Variants in NRG1 observed in about 807,000 individuals in gnomAD.
NRG1 encodes the protein neuregulin 1, also known as pro-neuregulin-1, membrane-bound isoform.
NRG1 carries 18 observed loss-of-function variants against 63.8 expected under a neutral mutation model. The observed-to-expected ratio is 0.28, with a 90% confidence interval of 0.19 to 0.42. The LOEUF (loss-of-function observed/expected upper bound fraction) is 0.42, where lower values mean the gene tolerates loss of function less well. NRG1 is among the 10% of genes least tolerant of loss of function. The pLI is 1.00. For synonymous variants in NRG1, 302 were observed against 301.3 expected, an observed-to-expected ratio of 1.00 and a Z score of -0.02; for missense variants, 762 against 814.7, an observed-to-expected ratio of 0.94 and a Z score of 0.79.
intron 1 of NRG1, among the ~76,000 whole-genome samples, chr8:32,299,636 A>G (rs1487030112): frequency 1.3e-5 from 2 of 152,174 alleles, no homozygotes; most frequent in Non-Finnish European, 2.9e-5. Context: ...AAAGAGATTT[A>G]ATGGACTCAC....
intron 1 of NRG1, among the ~76,000 whole-genome samples, chr8:31,942,337 T>C (rs547495466): frequency 3.0e-4 from 45 of 152,194 alleles, no homozygotes; most frequent in Admixed American, 1.2e-3. Context: ...AAGCCACATG[T>C]AGAGGAATGA....
intron 1 of NRG1, among the ~76,000 whole-genome samples, chr8:32,199,283 G>A (rs764876378): frequency 5.3e-5 from 8 of 151,730 alleles, no homozygotes; most frequent in Non-Finnish European, 1.2e-4. Context: ...TTTCATTCCC[G>A]CTATATACTC....
chr8:31,875,650 A>C (rs993004783), intron 1 of NRG1, among the ~76,000 whole-genome samples: 1 of 152,104 alleles, frequency 6.6e-6, no homozygotes, highest in Non-Finnish European at 1.5e-5. Flanking sequence ...CTACAGGAGG[A>C]GTTTCAGACA....
At chr8:32,442,908 A>G (rs1819731545) in intron 1 of NRG1, among the ~76,000 whole-genome samples, 1 of 151,848 alleles carries the variant, frequency 6.6e-6, no homozygotes, top group Non-Finnish European at 1.5e-5. Context: ...GGATACAACA[A>G]CTATGAGTAT....
chr8:32,486,949 A>C (rs570842887), intron 1 of NRG1, among the ~76,000 whole-genome samples: 2 of 151,894 alleles, frequency 1.3e-5, no homozygotes, highest in Non-Finnish European at 2.9e-5. Flanking sequence ...CTTAATGCCA[A>C]CTCTCAATTG....
At chr8:31,958,766 C>G (rs899458164) in intron 1 of NRG1, among the ~76,000 whole-genome samples, 3 of 152,122 alleles carry the variant, frequency 2.0e-5, no homozygotes, top group Non-Finnish European at 4.4e-5. Context: ...TAAGTTTTTC[C>G]TATGTGTGTA....
rs553152501 is a variant in NRG1, at chr8:31,916,450, C to T, written c.37+277019C>T. Among the ~76,000 whole-genome samples the T allele has an allele frequency of 1.2e-3, 183 of 152,104 alleles. 1 individual carries two copies. The highest frequency in any genetic ancestry group is 2.5e-3 in the South Asian group (12 of 4,798). On this transcript the variant is annotated intron_variant, in intron 1 of 10. Coordinates refer to the NRG1 transcript ENST00000519301. The stretch of plus-strand genomic sequence containing the variant: ...ATTCCCACCTATGAGTGAGAATATG[C>T]GGTGTTTGGTTTTTTGTTCTTGCAA...
intron 1 of NRG1, among the ~76,000 whole-genome samples, chr8:31,879,081 TA>T (rs1374445929): frequency 1.3e-5 from 2 of 152,030 alleles, no homozygotes; most frequent in Non-Finnish European, 2.9e-5. Context: ...AAGTAAGGTA[TA>T]GATTCCACAT....
intron 1 of NRG1, among the ~76,000 whole-genome samples, chr8:32,071,157 A>G (rs1025865399): frequency 6.6e-6 from 1 of 152,040 alleles, no homozygotes; most frequent in African/African-American, 2.4e-5. Flanking sequence ...GCTTATTTAC[A>G]TGTTTTCTCT....
chr8:31,928,539 C>T (rs1834598320), intron 1 of NRG1, among the ~76,000 whole-genome samples: 3 of 151,766 alleles, frequency 2.0e-5, no homozygotes, highest in African/African-American at 7.3e-5. Flanking sequence ...CAAAAAGACA[C>T]CTGAATGTGT....
chr8:32,681,001 C>T (rs1263546427), intron 5 of NRG1, among the ~76,000 whole-genome samples: 1 of 151,972 alleles, frequency 6.6e-6, no homozygotes, highest in Non-Finnish European at 1.5e-5. Context: ...ATTATGAAGC[C>T]AAAGATGGAA....
intron 1 of NRG1, among the ~76,000 whole-genome samples, chr8:32,481,361 C>T (rs1345583533): frequency 6.6e-6 from 1 of 151,782 alleles, no homozygotes; most frequent in South Asian, 2.1e-4. Context: ...AATAAATAAA[C>T]AAACAAATAA....
At chr8:32,068,813 G>C (rs4585705) in intron 1 of NRG1, among the ~76,000 whole-genome samples, 148,706 of 152,314 alleles carry the variant, frequency 0.98, 72,692 homozygotes, top group East Asian at 1. Context: ...CTCTGACACC[G>C]TTAGCTACGT....
At chr8:31,811,008 C>CCT (rs1222194643) in intron 1 of NRG1, among the ~76,000 whole-genome samples, 1 of 152,090 alleles carries the variant, frequency 6.6e-6, no homozygotes, top group Admixed American at 6.6e-5. Flanking sequence ...CTTTATGGTG[C>CCT]CTCTCTCTCT....
intron 1 of NRG1, among the ~76,000 whole-genome samples, chr8:32,186,788 T>G (rs1842018550): frequency 6.6e-6 from 1 of 152,196 alleles, no homozygotes; most frequent in African/African-American, 2.4e-5. Flanking sequence ...ATGATCATCT[T>G]AATCTTGGGA....
intron 1 of NRG1, among the ~76,000 whole-genome samples, chr8:32,162,450 T>A (rs1838938489): frequency 6.6e-6 from 1 of 152,132 alleles, no homozygotes; most frequent in Admixed American, 6.5e-5. Context: ...ACAACAAAAC[T>A]CAGACTCATG....
intron 1 of NRG1, among the ~76,000 whole-genome samples, chr8:31,957,813 T>A (rs1257885410): frequency 6.6e-6 from 1 of 152,158 alleles, no homozygotes; most frequent in African/African-American, 2.4e-5. Flanking sequence ...ATTTTCTCTA[T>A]CTTCTATCAT....
chr8:32,726,064 A>G (rs1356986854), intron 5 of NRG1, among the ~76,000 whole-genome samples: 1 of 152,148 alleles, frequency 6.6e-6, no homozygotes, highest in Non-Finnish European at 1.5e-5. Context: ...CCTGGAAAAG[A>G]TGCCTTGAAA....
intron 1 of NRG1, among the ~76,000 whole-genome samples, chr8:31,825,539 C>G (rs1017337451): frequency 5.3e-5 from 8 of 152,062 alleles, no homozygotes; most frequent in Non-Finnish European, 1.2e-4. Flanking sequence ...CTTACAATAG[C>G]CTGAGGTCAG....
Sources: gnomAD v4.1 joint callset for allele counts (sites outside exome capture counted in the v4.1 genomes callset) on GRCh38, gnomAD v4.1.1 for gene constraint, MANE v1.5 for transcripts, NCBI Gene and HGNC (gene_info 2026-07-23, HGNC 2026-07-21) for gene names.